The following SEC14L2 variants were observed in gnomAD, a reference collection of about 807,000 sequenced individuals.
The protein encoded by SEC14L2 is SEC14 like lipid binding 2, also known as SEC14-like protein 2.
In SEC14L2, 50 loss-of-function variants were observed where a neutral mutation model predicts 56.9. The observed-to-expected ratio is 0.88, with a 90% CI of 0.70 to 1.11. The LOEUF (loss-of-function observed/expected upper bound fraction) is 1.11, where lower values mean the gene tolerates loss of function less well. Ranked by LOEUF, SEC14L2 falls within the 50% of genes most tolerant of loss-of-function variation. The probability of loss-of-function intolerance (pLI) is 0.00; values close to 1 mark genes in which losing one functional copy is unlikely to be tolerated. For missense variants in SEC14L2, 414 were observed against 500.7 expected (o/e 0.83, Z 1.65); for synonymous variants, 179 against 188.5 (o/e 0.95, Z 0.41).
intron 7 of SEC14L2, among the ~76,000 whole-genome samples, chr22:30,410,244 C>CA (rs1188125896): frequency 6.6e-6 from 1 of 152,246 alleles, no homozygotes; most frequent in Non-Finnish European, 1.5e-5. Context: ...GCCTGGGTGA[C>CA]AGAGCAAGAC....
In SEC14L2 at chr22:30,422,377, G is replaced by GATC. The variant is rs1934543635; in HGVS notation, c.1183_1184insTCA (p.Met394_Lys395insIle). The GATC allele has an allele frequency of 4.3e-6, 7 of 1,614,202 alleles. No individual in the cohort carries two copies. Among genetic ancestry groups the GATC allele is most frequent in the Non-Finnish European group, 5.1e-6 (6 of 1,180,032 alleles). ...CAGACAAAGCCTCAGAAGAGAAGAT[G>GATC]AAACAGCTGGGGGCAGGCACCCCGA... On this transcript the variant is annotated inframe_insertion, in exon 12 of 12. Coordinates refer to ENST00000615189, the MANE Select transcript of SEC14L2 (RefSeq NM_012429.5).
chr22:30,408,969 T>C (rs1934172328), intron 5 of SEC14L2: 1 of 634,700 alleles, frequency 1.6e-6, no homozygotes, highest in African/African-American at 1.8e-5. Context: ...CACCCAGTCA[T>C]GTACTGGAAA....
chr22:30,422,584 A>G lies in SEC14L2; in HGVS notation c.*177A>G. 1.4e-6 allele frequency: 1 copy of G among 695,254 alleles called. No individual in the cohort carries two copies. Among genetic ancestry groups the G allele is most frequent in the African/African-American group, 1.8e-5 (1 of 55,484 alleles). 43.1% of individuals were successfully genotyped at this position (695,254 alleles called of 1,614,324 possible). A position where few individuals can be genotyped will look rare whatever the true frequency, so the allele number is the denominator to read the frequency against. On this transcript the variant is annotated 3_prime_UTR_variant, in exon 12 of 12. Transcript: ENST00000615189. ...GCGACTGCAGTGGGTCTCCGTGTCT[A>G]TCAAATACCTAAGGAGTCCCCAGGA...
At chr22:30,398,595 C>T (rs894078175) in intron 1 of SEC14L2, 8 of 429,770 alleles carry the variant, frequency 1.9e-5, no homozygotes, top group Non-Finnish European at 3.5e-5. Context: ...CACTTTCCCG[C>T]TTCCTGGCTT....
intron 7 of SEC14L2, 131 bp downstream of exon 7, chr22:30,409,617 T>C (rs1034695347): frequency 1.9e-5 from 17 of 874,342 alleles, no homozygotes; most frequent in Middle Eastern, 6.4e-4. Flanking sequence ...CTGCTGCCCC[T>C]GCTAGTGTGC....
intron 8 of SEC14L2, among the ~76,000 whole-genome samples, chr22:30,413,056 C>G (rs1280524580): frequency 6.6e-6 from 1 of 152,026 alleles, no homozygotes. Flanking sequence ...GTTGGGAATA[C>G]CTGAGTTTGA....
Position 30,425,037 on chromosome 22 carries a change from G to T in SEC14L2, c.*2630G>T. The T allele has an allele frequency of 2.9e-6, 1 of 348,312 alleles. No homozygotes were observed. Among genetic ancestry groups the T allele is most frequent in the South Asian group, 2.1e-5 (1 of 46,618 alleles). The allele number at this position is 348,312 out of a possible 1,614,324, so 21.6% of individuals were successfully genotyped here. On this transcript the variant is annotated 3_prime_UTR_variant, in exon 12 of 12. Coordinates refer to ENST00000615189, the MANE Select transcript of SEC14L2 (RefSeq NM_012429.5). ...GAGTCCAGGCACCTACCTCCCAGGG[G>T]CTCACCGTTCACTCCTCTAGCCTCA...
chr22:30,422,749 G>A lies in SEC14L2; in HGVS notation c.*342G>A, dbSNP rs1425728565. 1.4e-5 allele frequency: 3 copies of A among 212,826 alleles called. No individual in the cohort carries two copies. In the Admixed American group the frequency reaches 1.6e-4, roughly 12 times the overall value. The allele number at this position is 212,826 out of a possible 1,614,324, so 13.2% of individuals were successfully genotyped here. The stretch of plus-strand genomic sequence containing the variant: ...GGAAAAAAATTAGAAAAGGGTGAAA[G>A]ATTGGGACTTAACACTTCAGGGAAG... On this transcript the variant is annotated 3_prime_UTR_variant, in exon 12 of 12. Coordinates refer to ENST00000615189, the MANE Select transcript of SEC14L2 (RefSeq NM_012429.5).
chr22:30,407,221 T>G (rs1252643332), intron 4 of SEC14L2, 67 bp downstream of exon 4: 1 of 1,573,232 alleles, frequency 6.4e-7, no homozygotes, highest in Non-Finnish European at 8.7e-7. Context: ...GGGTCCTGGA[T>G]CCACTGGATT....
chr22:30,406,335 G>A lies in SEC14L2; in HGVS notation c.131-7G>A. ...TAACCCTGACCAGAACTGTTTCCCT[G>A]TTACAGCCAGAAGCTTCGACCTGCA... is the stretch of plus-strand genomic sequence containing the variant. On this transcript the variant is annotated splice_polypyrimidine_tract_variant and splice_region_variant and intron_variant, in intron 2 of 11. Coordinates refer to ENST00000615189, the MANE Select transcript of SEC14L2 (RefSeq NM_012429.5). The A allele has an allele frequency of 6.2e-7, 1 of 1,614,018 alleles. No individual in the cohort carries two copies. Among genetic ancestry groups the A allele is most frequent in the Non-Finnish European group, 8.5e-7 (1 of 1,179,942 alleles).
rs1369258552 is a variant in SEC14L2 at position 30,408,272 on chromosome 22, GATTCTTGCTTCTCTA to G, written c.423+675_423+689del. On this transcript the variant is annotated intron_variant, in intron 5 of 11. Coordinates refer to ENST00000615189, the MANE Select transcript of SEC14L2 (RefSeq NM_012429.5). Reference sequence around the variant, plus strand: ...GGTACCACTGGTGCAAATGATGTCAGATTCTTGCTTCTCTAATTCTGTATTTAAAAAAGATAAGGA... The same window carrying G: ...GGTACCACTGGTGCAAATGATGTCAGATTCTGTATTTAAAAAAGATAAGGA... 3.9e-5 allele frequency among the ~76,000 whole-genome samples: 6 copies of G among 152,240 alleles called. No homozygotes were observed. The East Asian group carries it at 1.2e-3, about 29-fold the overall frequency.
Position 30,422,418 on chromosome 22 carries a change from T to C in SEC14L2, c.*11T>C. The C allele has an allele frequency of 6.2e-7, 1 of 1,614,076 alleles. No individual in the cohort carries two copies. The highest frequency in any genetic ancestry group is 8.5e-7 in the Non-Finnish European group (1 of 1,179,978). On this transcript the variant is annotated 3_prime_UTR_variant, in exon 12 of 12. Coordinates refer to ENST00000615189, the MANE Select transcript of SEC14L2 (RefSeq NM_012429.5). The stretch of plus-strand genomic sequence containing the variant: ...GGCACCCCGAAATAACACCTTCTCC[T>C]ATAGCAGGCCTGGCCCCCTCAGTGT...
At chr22:30,399,284 T>A (rs771959703) in intron 1 of SEC14L2, among the ~76,000 whole-genome samples, 35 of 151,828 alleles carry the variant, frequency 2.3e-4, no homozygotes, top group Non-Finnish European at 4.4e-4. Flanking sequence ...TAGACCGAGA[T>A]GGGCGGATCA....
intron 8 of SEC14L2, among the ~76,000 whole-genome samples, chr22:30,411,190 G>A (rs941444777): frequency 6.6e-6 from 1 of 152,212 alleles, no homozygotes; most frequent in Admixed American, 6.5e-5. Context: ...GAGCCCAGGA[G>A]TTCAAGGCTG....
intron 2 of SEC14L2, among the ~76,000 whole-genome samples, chr22:30,405,675 CTTTGT>C (rs1194198420): frequency 6.6e-6 from 1 of 152,010 alleles, no homozygotes; most frequent in Non-Finnish European, 1.5e-5. Flanking sequence ...CTATATTCAT[CTTTGT>C]TTTTTGTTTT....
intron 8 of SEC14L2, among the ~76,000 whole-genome samples, chr22:30,415,230 G>A (rs2267157): frequency 2.0e-5 from 3 of 152,202 alleles, no homozygotes; most frequent in South Asian, 4.1e-4. Context: ...TCAGGAGTTC[G>A]AGACCAGCCT....
chr22:30,415,800 C>T lies in SEC14L2; in HGVS notation c.706C>T (p.Gln236Ter). The T allele has an allele frequency of 6.2e-7, 1 of 1,614,160 alleles. No individual in the cohort carries two copies. The highest frequency in any genetic ancestry group is 1.7e-5 in the Admixed American group (1 of 60,022). The part of the protein sequence containing the change: ...EVLLKHISPD[Q>*]VPVEYGGTMT... ...TTTACTGAAACATATCAGCCCTGAC[C>T]AGGTGCCTGTGGAGTATGGGGGCAC... The change falls in exon 9 of 12, where the codon CAG (glutamine) becomes TAG (stop). Residue 236 changes from glutamine to a stop codon, truncating the protein, a stop_gained. Transcript: ENST00000615189. LOFTEE classifies it high-confidence loss of function.
At chr22:30,413,803 T>G (rs1182449290) in intron 8 of SEC14L2, among the ~76,000 whole-genome samples, 1 of 137,490 alleles carries the variant, frequency 7.3e-6, no homozygotes. Flanking sequence ...TCAAGCTCTG[T>G]TTTTTTTTTT....
At chr22:30,415,284 T>A (rs889522821) in intron 8 of SEC14L2, among the ~76,000 whole-genome samples, 4 of 151,912 alleles carry the variant, frequency 2.6e-5, no homozygotes, top group African/African-American at 9.7e-5. Flanking sequence ...ATACAAAAAA[T>A]TAGCTGGGTG....
Sources: gnomAD v4.1 joint callset for allele counts (sites outside exome capture counted in the v4.1 genomes callset) on GRCh38, gnomAD v4.1.1 for gene constraint, MANE v1.5 for transcripts, NCBI Gene and HGNC (gene_info 2026-07-23, HGNC 2026-07-21) for gene names.